The following PSD3 variants were observed in gnomAD, a reference collection of about 807,000 sequenced individuals.
PSD3 encodes the protein pleckstrin and Sec7 domain containing 3.
PSD3 carries 49 observed loss-of-function variants against 105.5 expected under a neutral mutation model. The ratio of observed to expected loss-of-function variants is 0.46; its 90% CI spans 0.37 to 0.59. The LOEUF is 0.59. PSD3 is among the 20% of genes least tolerant of loss of function. PSD3 has a pLI of 0.00. For missense variants in PSD3, 1,561 were observed against 1,263.8 expected, an observed-to-expected ratio of 1.24 and a Z score of -3.57; for synonymous variants, 557 against 457.8, an observed-to-expected ratio of 1.22 and a Z score of -2.77.
At chr8:18,839,743 C>A (rs1357485602) in intron 4 of PSD3, among the ~76,000 whole-genome samples, 2 of 149,176 alleles carry the variant, frequency 1.3e-5, no homozygotes, top group Admixed American at 1.3e-4. Context: ...CAGAGTTCTC[C>A]TCCAAGTATC....
Position 18,865,286 on chromosome 8 carries a change from AT to A in PSD3, c.1634+2387del, listed in dbSNP as rs375872604. The stretch of plus-strand genomic sequence containing the variant: ...TATATATATATATATATATATATAT[AT>A]TTTTTTTTTTTTTTTTTTTTTTAAA... On this transcript the variant is annotated intron_variant, in intron 4 of 15. Transcript: ENST00000327040. 133 of 14,130 alleles carry A rather than the reference AT, an allele frequency of 9.4e-3. 4 individuals carry two copies. The highest frequency in any genetic ancestry group is 0.012 in the Non-Finnish European group (104 of 8,536). The allele number at this position is 14,130 out of a possible 1,614,324, so 0.9% of individuals were successfully genotyped here.
chr8:19,006,023 T>C (rs183772549), intron 1 of PSD3, among the ~76,000 whole-genome samples: 33 of 151,892 alleles, frequency 2.2e-4, no homozygotes, highest in African/African-American at 7.0e-4. Flanking sequence ...AAAGGATATA[T>C]AGGCCAGGTG....
At chr8:18,708,156 G>C (rs1247833527) in intron 9 of PSD3, among the ~76,000 whole-genome samples, 3 of 152,184 alleles carry the variant, frequency 2.0e-5, no homozygotes, top group Non-Finnish European at 4.4e-5. Context: ...AGTTTTAATG[G>C]GGCTCACTTT....
chr8:18,637,656 C>A (rs1041385414), intron 10 of PSD3, among the ~76,000 whole-genome samples: 1 of 152,098 alleles, frequency 6.6e-6, no homozygotes, highest in Admixed American at 6.6e-5. Context: ...TATGGTCGTG[C>A]CAGTTTGTTT....
chr8:18,861,002 T>G (rs767318773), intron 4 of PSD3, among the ~76,000 whole-genome samples: 4 of 152,202 alleles, frequency 2.6e-5, no homozygotes, highest in Admixed American at 6.5e-5. Context: ...TACTTTGGTT[T>G]GTTTGTTTTA....
Position 18,696,498 on chromosome 8 carries a change from A to C in PSD3, c.2173-40813T>G, listed in dbSNP as rs188420012. On this transcript the variant is annotated intron_variant, in intron 9 of 15. Transcript: ENST00000327040. ...ATTACTCTGTGTGGCCTGTTTTACTAAGCAGCACGTTGCTCAGCTTGTGTT... is the reference window on the plus strand; with the variant it reads ...ATTACTCTGTGTGGCCTGTTTTACTCAGCAGCACGTTGCTCAGCTTGTGTT... Among the ~76,000 whole-genome samples, 5 of 152,304 alleles carry C rather than the reference A, an allele frequency of 3.3e-5. No individual in the cohort carries two copies. The East Asian group carries it at 9.6e-4, about 29-fold the overall frequency.
At chr8:18,562,674 A>C (rs1047699856) in intron 14 of PSD3, among the ~76,000 whole-genome samples, 27 of 152,274 alleles carry the variant, frequency 1.8e-4, no homozygotes, top group African/African-American at 6.3e-4. Flanking sequence ...GGATCACTGA[A>C]GGTCAAGAGT....
intron 2 of PSD3, among the ~76,000 whole-genome samples, chr8:18,913,942 G>A (rs1820410506): frequency 6.6e-6 from 1 of 152,086 alleles, no homozygotes; most frequent in African/African-American, 2.4e-5. Flanking sequence ...TCCATGCTCT[G>A]GGCCTGTCCT....
chr8:18,764,520 C>A (rs977832342), intron 9 of PSD3, among the ~76,000 whole-genome samples: 1 of 152,074 alleles, frequency 6.6e-6, no homozygotes, highest in Non-Finnish European at 1.5e-5. Flanking sequence ...AATACCACAT[C>A]GTAATGCCTT....
chr8:18,777,696 T>C (rs901157558), intron 8 of PSD3, among the ~76,000 whole-genome samples: 1 of 152,230 alleles, frequency 6.6e-6, no homozygotes, highest in African/African-American at 2.4e-5. Flanking sequence ...TCCAGCTATT[T>C]TGAAATATTC....
intron 1 of PSD3, among the ~76,000 whole-genome samples, chr8:18,943,150 A>T (rs1413061225): frequency 6.6e-6 from 1 of 152,244 alleles, no homozygotes; most frequent in Non-Finnish European, 1.5e-5. Context: ...GCAAAGATCA[A>T]CAAAGGAGGC....
At chr8:18,582,248 T>C (rs999536061) in intron 12 of PSD3, among the ~76,000 whole-genome samples, 6 of 152,124 alleles carry the variant, frequency 3.9e-5, no homozygotes, top group Admixed American at 6.5e-5. Context: ...CTCTCCAATC[T>C]GCCTTCCACG....
chr8:18,867,987 A>G lies in PSD3; in HGVS notation c.1321T>C (p.Tyr441His). The G allele has an allele frequency of 6.2e-7, 1 of 1,614,218 alleles. No homozygotes were observed. Among genetic ancestry groups the G allele is most frequent in the South Asian group, 1.1e-5 (1 of 91,088 alleles). ...AAAATGGTTTCAAACTGGGAGCTGT[A>G]CACGTCGGTGGAGTCCTCCGTATAT... Reference protein sequence around the residue: ...PGYTEDSTDVYSSQFETILDN... With the variant: ...PGYTEDSTDVHSSQFETILDN... The change falls in exon 4 of 16, where the codon TAC becomes CAC. Residue 441 changes from tyrosine (Y) to histidine (H), a missense_variant. By Grantham distance (83) the Tyr-to-His change is moderately conservative. Transcript: ENST00000327040.
At chr8:18,846,707 G>T (rs569945231) in intron 4 of PSD3, among the ~76,000 whole-genome samples, 1 of 152,302 alleles carries the variant, frequency 6.6e-6, no homozygotes, top group African/African-American at 2.4e-5. Flanking sequence ...GATAGAAGTT[G>T]CAGGATGCAC....
chr8:19,082,033 G>T (rs185839446), intron 1 of PSD3, among the ~76,000 whole-genome samples: 1 of 152,292 alleles, frequency 6.6e-6, no homozygotes, highest in Admixed American at 6.5e-5. Flanking sequence ...TTGATACTTT[G>T]CGACAATTCA....
At chr8:18,911,501 G>C (rs886124782) in intron 2 of PSD3, among the ~76,000 whole-genome samples, 2 of 152,116 alleles carry the variant, frequency 1.3e-5, no homozygotes, top group African/African-American at 4.8e-5. Flanking sequence ...CTGGGCCTCA[G>C]TGAGTCTCAG....
At chr8:18,870,425 T>G (rs963318036) in intron 3 of PSD3, among the ~76,000 whole-genome samples, 5 of 151,950 alleles carry the variant, frequency 3.3e-5, no homozygotes, top group African/African-American at 1.2e-4. Context: ...AAATACCACA[T>G]GATGTCAAGT....
intron 8 of PSD3, among the ~76,000 whole-genome samples, chr8:18,781,563 A>G (rs1808627014): frequency 1.3e-5 from 2 of 152,192 alleles, no homozygotes; most frequent in Admixed American, 6.5e-5. Flanking sequence ...GGTTTCTGCT[A>G]AGAAATTTGC....
At chr8:18,883,529 T>G (rs988847342) in intron 2 of PSD3, among the ~76,000 whole-genome samples, 1 of 152,168 alleles carries the variant, frequency 6.6e-6, no homozygotes, top group Non-Finnish European at 1.5e-5. Flanking sequence ...AAAAAGATCC[T>G]AAAATAACTG....
Sources: gnomAD v4.1 joint callset for allele counts (sites outside exome capture counted in the v4.1 genomes callset) on GRCh38, gnomAD v4.1.1 for gene constraint, MANE v1.5 for transcripts, NCBI Gene and HGNC (gene_info 2026-07-23, HGNC 2026-07-21) for gene names.